The following UMAD1 variants were observed in gnomAD, a reference collection of about 807,000 sequenced individuals.
UMAD1 encodes the protein UBAP1-MVB12-associated (UMA) domain containing 1.
Under a neutral mutation model 6.1 loss-of-function variants are expected in UMAD1, and 8 were observed. The ratio of observed to expected loss-of-function variants is 1.30; its 90% CI spans 0.76 to 2.35. The LOEUF (loss-of-function observed/expected upper bound fraction) is 2.35, where lower values mean the gene tolerates loss of function less well. Ranked by LOEUF, UMAD1 falls within the 30% of genes most tolerant of loss-of-function variation. The probability of loss-of-function intolerance (pLI) is 0.00; values close to 1 mark genes in which losing one functional copy is unlikely to be tolerated. For missense variants in UMAD1, 130 were observed against 78.4 expected, an observed-to-expected ratio of 1.66 and a Z score of -2.49; for synonymous variants, 56 against 31.4, an observed-to-expected ratio of 1.78 and a Z score of -2.61.
chr7:7,688,645 T>G lies in UMAD1; in HGVS notation c.82+15192T>G, dbSNP rs147376516. On this transcript the variant is annotated intron_variant, in intron 2 of 3. Transcript: ENST00000682710. ...GTAAATCTTCTATCATTTATTTGCT[T>G]CTTAATCACATGGTATTTTGTAGCA... Among the ~76,000 whole-genome samples, 133 of 152,322 alleles carry G rather than the reference T, an allele frequency of 8.7e-4. 1 individual carries two copies. The highest frequency in any genetic ancestry group is 3.0e-3 in the African/African-American group (125 of 41,576).
At chr7:7,736,077 A>T (rs1474251590) in intron 2 of UMAD1, 11 of 152,286 alleles carry the variant, frequency 7.2e-5, no homozygotes, top group Non-Finnish European at 1.2e-4. Context: ...AATGCATGAA[A>T]TGCAGTTTCA....
chr7:7,675,018 ATTT>A (rs1041552838), intron 2 of UMAD1, among the ~76,000 whole-genome samples: 1 of 152,014 alleles, frequency 6.6e-6, no homozygotes, highest in South Asian at 2.1e-4. Flanking sequence ...TGTATTTAAA[ATTT>A]TTTTTAAAAT....
intron 2 of UMAD1, among the ~76,000 whole-genome samples, chr7:7,786,421 A>C (rs1782461505): frequency 6.6e-6 from 1 of 152,190 alleles, no homozygotes; most frequent in Non-Finnish European, 1.5e-5. Context: ...ATTGCAGTCT[A>C]TCAGGTGGTG....
At chr7:7,778,072 A>G (rs922240013) in intron 2 of UMAD1, among the ~76,000 whole-genome samples, 2 of 152,194 alleles carry the variant, frequency 1.3e-5, no homozygotes, top group Admixed American at 1.3e-4. Flanking sequence ...ATTGATCATC[A>G]CAATTATTGC....
chr7:7,831,282 GA>G, intron 3 of UMAD1, among the ~76,000 whole-genome samples: 1 of 152,284 alleles, frequency 6.6e-6, no homozygotes, highest in African/African-American at 2.4e-5. Context: ...ATATCTTACA[GA>G]AATTTATTCT....
chr7:7,665,016 C>T (rs527890806), intron 1 of UMAD1, among the ~76,000 whole-genome samples: 244 of 128,112 alleles, frequency 1.9e-3, no homozygotes, highest in African/African-American at 6.6e-3. Context: ...TATATATATA[C>T]ACACACACAC....
chr7:7,655,647 C>G (rs1167252149), intron 1 of UMAD1, among the ~76,000 whole-genome samples: 1 of 152,168 alleles, frequency 6.6e-6, no homozygotes, highest in East Asian at 1.9e-4. Context: ...GTTTTATTAA[C>G]TCATATAACT....
At chr7:7,819,001 C>G (rs1483221787) in intron 3 of UMAD1, among the ~76,000 whole-genome samples, 2 of 152,108 alleles carry the variant, frequency 1.3e-5, no homozygotes, top group Non-Finnish European at 2.9e-5. Context: ...AGATGCATGC[C>G]ACAACACCCA....
chr7:7,777,195 C>T (rs900556335), intron 2 of UMAD1, among the ~76,000 whole-genome samples: 1 of 151,918 alleles, frequency 6.6e-6, no homozygotes, highest in Non-Finnish European at 1.5e-5. Context: ...AGATCATTTC[C>T]AGACTTCCGC....
At chr7:7,749,119 T>C (rs778416588) in intron 2 of UMAD1, among the ~76,000 whole-genome samples, 1 of 152,224 alleles carries the variant, frequency 6.6e-6, no homozygotes, top group Non-Finnish European at 1.5e-5. Flanking sequence ...TATTGGTGTT[T>C]TATAATAGAT....
chr7:7,710,967 T>C (rs1050382238), intron 2 of UMAD1, among the ~76,000 whole-genome samples: 5 of 152,236 alleles, frequency 3.3e-5, no homozygotes, highest in Non-Finnish European at 7.3e-5. Flanking sequence ...ACTTCATTTA[T>C]GTAGCATTCT....
intron 1 of UMAD1, among the ~76,000 whole-genome samples, chr7:7,668,302 G>T (rs1415211954): frequency 6.6e-6 from 1 of 152,116 alleles, no homozygotes; most frequent in Non-Finnish European, 1.5e-5. Context: ...GCATACAGTA[G>T]TCCCCCTTCT....
chr7:7,807,257 G>A (rs1782936188), intron 3 of UMAD1, among the ~76,000 whole-genome samples: 1 of 152,124 alleles, frequency 6.6e-6, no homozygotes, highest in South Asian at 2.1e-4. Context: ...TGCATTAGAT[G>A]AGCTTTAAAC....
chr7:7,698,191 G>T lies in UMAD1; in HGVS notation c.82+24738G>T, dbSNP rs773413512. Among the ~76,000 whole-genome samples, 224 of 152,272 alleles carry T rather than the reference G, an allele frequency of 1.5e-3. 6 individuals are homozygous for T. Among genetic ancestry groups the T allele is most frequent in the Non-Finnish European group, 4.7e-4 (32 of 68,026 alleles). ...GATGTGATATTATTTATTTTGAATTGCTATATGCTTCATTAGTGTTTTTGG... is the reference window on the plus strand; with the variant it reads ...GATGTGATATTATTTATTTTGAATTTCTATATGCTTCATTAGTGTTTTTGG... On this transcript the variant is annotated intron_variant, in intron 2 of 3. Transcript: ENST00000682710.
chr7:7,675,941 C>T (rs891264425), intron 2 of UMAD1, among the ~76,000 whole-genome samples: 16 of 152,168 alleles, frequency 1.1e-4, no homozygotes, highest in South Asian at 2.1e-4. Flanking sequence ...TGCAAAGCTC[C>T]ACCCCTTCAC....
At position 7,688,119 on chromosome 7, in the gene UMAD1, T is replaced by A. The variant is rs1205770447; in HGVS notation, c.82+14666T>A. Among the ~76,000 whole-genome samples, 3 of 152,356 alleles carry A rather than the reference T, an allele frequency of 2.0e-5. No individual in the cohort carries two copies. The South Asian group carries it at 6.2e-4, about 32-fold the overall frequency. On this transcript the variant is annotated intron_variant, in intron 2 of 3. Transcript: ENST00000682710. ...GTCTGGAAACTTCTGACACTACATG[T>A]AAAATTTTAGGTTTGTATTTTTGGG...
At chr7:7,722,060 T>C (rs1781059725) in intron 2 of UMAD1, among the ~76,000 whole-genome samples, 2 of 151,982 alleles carry the variant, frequency 1.3e-5, no homozygotes, top group South Asian at 2.1e-4. Flanking sequence ...GCTTTGGGAC[T>C]TGGACTGGCT....
chr7:7,857,113 T>C (rs1563264294), intron 3 of UMAD1, among the ~76,000 whole-genome samples: 1 of 152,232 alleles, frequency 6.6e-6, no homozygotes, highest in African/African-American at 2.4e-5. Flanking sequence ...AAATAGGAAG[T>C]AAAATATACA....
chr7:7,770,276 GCATCTATGAAGCCATC>G (rs1162136233), intron 2 of UMAD1, among the ~76,000 whole-genome samples: 1 of 152,072 alleles, frequency 6.6e-6, no homozygotes, highest in Non-Finnish European at 1.5e-5. Context: ...AGAGGCAAGT[GCATCTATGAAGCCATC>G]CCCTCCTCCA....
Sources: allele counts gnomAD v4.1 joint callset (sites outside exome capture counted in the v4.1 genomes callset), GRCh38; gene constraint gnomAD v4.1.1; transcripts MANE v1.5; gene names NCBI Gene and HGNC (gene_info 2026-07-23, HGNC 2026-07-21).